The following PKD2 variants were observed in gnomAD, a reference collection of about 807,000 sequenced individuals.
The protein encoded by PKD2 is polycystin-2.
A neutral mutation model predicts 105.9 loss-of-function variants in PKD2; 48 were observed. The observed-to-expected ratio is 0.45, with a 90% CI of 0.36 to 0.58. The LOEUF is 0.58. Ranked by LOEUF, PKD2 falls within the 20% of genes least tolerant of loss-of-function variation. PKD2 has a pLI of 0.00. For synonymous variants in PKD2, 464 were observed against 481.1 expected (o/e 0.96, Z 0.46); for missense variants, 1,078 against 1,255.3 (o/e 0.86, Z 2.13).
chr4:88,019,695 G>GT, intron 2 of PKD2, 124 bp downstream of exon 2: 1 of 691,014 alleles, frequency 1.4e-6, no homozygotes, highest in East Asian at 2.7e-5. Context: ...TCTTACCTTT[G>GT]TTTTTAATTC....
chr4:88,055,859 T>C (rs1217588625), intron 7 of PKD2, among the ~76,000 whole-genome samples: 1 of 152,196 alleles, frequency 6.6e-6, no homozygotes, highest in Non-Finnish European at 1.5e-5. Context: ...CATTCTACTT[T>C]CTGTCACTGT....
Position 88,012,392 on chromosome 4 carries a change from G to A in PKD2, c.595+4064G>A, listed in dbSNP as rs565686520. Among the ~76,000 whole-genome samples the A allele has an allele frequency of 2.6e-5, 4 of 152,202 alleles. No individual in the cohort carries two copies. The East Asian group carries it at 5.8e-4, about 22-fold the overall frequency. On this transcript the variant is annotated intron_variant, in intron 1 of 14. Coordinates refer to ENST00000237596, the MANE Select transcript of PKD2 (RefSeq NM_000297.4). ...ATCCACTGTGCTATATGCCAGTAGT[G>A]CCCAAACCTAACTTTAGCCAGCAAT... is the stretch of plus-strand genomic sequence containing the variant.
At chr4:88,060,309 A>G (rs181339606) in intron 9 of PKD2, among the ~76,000 whole-genome samples, 5 of 152,308 alleles carry the variant, frequency 3.3e-5, no homozygotes, top group Admixed American at 3.3e-4. Context: ...TCTATATTCT[A>G]TTCTCATTTC....
At chr4:88,034,314 T>C (rs1727258709) in intron 2 of PKD2, among the ~76,000 whole-genome samples, 1 of 152,002 alleles carries the variant, frequency 6.6e-6, no homozygotes, top group Admixed American at 6.5e-5. Context: ...AACACACTCG[T>C]GTTTGGATCA....
At position 88,042,865 on chromosome 4, in the gene PKD2, C is replaced by T. The variant is rs145800664; in HGVS notation, c.1095-368C>T. Reference sequence around the variant, plus strand: ...GTCCCTCTTTTGGCTGTAATTTTCTCTGGGGACCTCAAGTCGTCTAGTCCC... The same window carrying T: ...GTCCCTCTTTTGGCTGTAATTTTCTTTGGGGACCTCAAGTCGTCTAGTCCC... On this transcript the variant is annotated intron_variant, in intron 4 of 14. Coordinates refer to ENST00000237596, the MANE Select transcript of PKD2 (RefSeq NM_000297.4). Among the ~76,000 whole-genome samples the T allele has an allele frequency of 2.9e-3, 434 of 152,274 alleles. 2 individuals carry two copies. The highest frequency in any genetic ancestry group is 9.8e-3 in the African/African-American group (407 of 41,556).
intron 8 of PKD2, among the ~76,000 whole-genome samples, chr4:88,057,362 A>G (rs1395179465): frequency 1.3e-5 from 2 of 151,146 alleles, no homozygotes; most frequent in Non-Finnish European, 1.5e-5. Flanking sequence ...TAGGGTTAAG[A>G]TGTTTTACCT....
At chr4:88,062,062 T>G in intron 10 of PKD2, 58 bp downstream of exon 10, 1 of 858,494 alleles carries the variant, frequency 1.2e-6, no homozygotes, top group Non-Finnish European at 2.0e-6. Flanking sequence ...TGAGCATTGT[T>G]TCACCCAGAT....
At chr4:88,066,809 A>T (rs1262938242) in intron 12 of PKD2, among the ~76,000 whole-genome samples, 1 of 152,222 alleles carries the variant, frequency 6.6e-6, no homozygotes, top group Non-Finnish European at 1.5e-5. Flanking sequence ...AGACAGCAAC[A>T]ACAAAAATCT....
Position 88,075,711 on chromosome 4 carries a change from T to C in PKD2, c.*17T>C. 6.4e-7 allele frequency: 1 copy of C among 1,563,174 alleles called. No homozygotes were observed. ...CACGTATGATATGTGTGTTTCAGTATGTGTGTTTCTAATAAGTGAGGAAGT... is the reference window on the plus strand; with the variant it reads ...CACGTATGATATGTGTGTTTCAGTACGTGTGTTTCTAATAAGTGAGGAAGT... On this transcript the variant is annotated 3_prime_UTR_variant, in exon 15 of 15. Transcript: ENST00000237596.
At chr4:88,009,548 TTAAG>T (rs1009642313) in intron 1 of PKD2, among the ~76,000 whole-genome samples, 1 of 152,150 alleles carries the variant, frequency 6.6e-6, no homozygotes, top group African/African-American at 2.4e-5. Flanking sequence ...TTTGGGAGAA[TTAAG>T]TGAGTTAAGA....
chr4:88,032,974 A>G (rs759501497), intron 2 of PKD2, among the ~76,000 whole-genome samples: 7 of 152,084 alleles, frequency 4.6e-5, no homozygotes, highest in Non-Finnish European at 7.3e-5. Context: ...CTCAAAACCA[A>G]ATCATTATGA....
intron 6 of PKD2, among the ~76,000 whole-genome samples, chr4:88,050,224 T>G (rs1720010671): frequency 6.6e-6 from 1 of 152,076 alleles, no homozygotes; most frequent in Admixed American, 6.5e-5. Context: ...TCCGCCCACC[T>G]CAGCCTCCCA....
chr4:88,070,746 C>G (rs553977144), intron 13 of PKD2, among the ~76,000 whole-genome samples: 1 of 151,564 alleles, frequency 6.6e-6, no homozygotes, highest in Admixed American at 6.6e-5. Flanking sequence ...ATCCTCCTGC[C>G]TCAACCTCCC....
intron 2 of PKD2, among the ~76,000 whole-genome samples, chr4:88,034,898 ATAT>A (rs1468862366): frequency 6.6e-6 from 1 of 151,404 alleles, no homozygotes; most frequent in Admixed American, 6.6e-5. Flanking sequence ...TATAGGAATT[ATAT>A]TATACCTGCA....
At chr4:88,072,562 C>T (rs1721073367) in intron 13 of PKD2, among the ~76,000 whole-genome samples, 1 of 152,212 alleles carries the variant, frequency 6.6e-6, no homozygotes, top group Non-Finnish European at 1.5e-5. Flanking sequence ...CAGTGGCCCA[C>T]CTCTCTGTGG....
At chr4:88,069,313 T>G (rs1328599501) in intron 13 of PKD2, among the ~76,000 whole-genome samples, 2 of 152,146 alleles carry the variant, frequency 1.3e-5, no homozygotes, top group African/African-American at 4.8e-5. Flanking sequence ...TGTAGTTGAT[T>G]TCTGTCTGCT....
intron 1 of PKD2, among the ~76,000 whole-genome samples, chr4:88,015,377 T>C (rs892438015): frequency 6.6e-6 from 1 of 152,206 alleles, no homozygotes; most frequent in Non-Finnish European, 1.5e-5. Context: ...ATATTCTCTC[T>C]TTGTGATATT....
chr4:88,068,574 T>C (rs1187982884), intron 13 of PKD2, among the ~76,000 whole-genome samples: 1 of 152,232 alleles, frequency 6.6e-6, no homozygotes, highest in Non-Finnish European at 1.5e-5. Context: ...TTCACATATT[T>C]CTACCAATGA....
At chr4:88,037,084 A>G (rs1022260941) in intron 3 of PKD2, among the ~76,000 whole-genome samples, 1 of 152,186 alleles carries the variant, frequency 6.6e-6, no homozygotes, top group Admixed American at 6.5e-5. Flanking sequence ...TTAAAGAATT[A>G]GCAGGGTGTG....
Sources: allele counts gnomAD v4.1 joint callset (sites outside exome capture counted in the v4.1 genomes callset), GRCh38; gene constraint gnomAD v4.1.1; transcripts MANE v1.5; gene names NCBI Gene and HGNC (gene_info 2026-07-23, HGNC 2026-07-21).